INF2: variants seen among roughly 807,000 people sequenced by gnomAD.
INF2 encodes the protein inverted formin-2.
INF2 carries 43 observed loss-of-function variants against 123.5 expected under a neutral mutation model. The observed-to-expected ratio is 0.35, with a 90% CI of 0.27 to 0.45. The LOEUF (loss-of-function observed/expected upper bound fraction) is 0.45, where lower values mean the gene tolerates loss of function less well. Ranked by LOEUF, INF2 falls within the 20% of genes least tolerant of loss-of-function variation. The pLI is 1.00. For missense variants in INF2, 1,453 were observed against 1,682.7 expected, an observed-to-expected ratio of 0.86 and a Z score of 2.39; for synonymous variants, 851 against 745.0, an observed-to-expected ratio of 1.14 and a Z score of -2.32.
rs138919548 is a variant in INF2 at position 104,713,126 on chromosome 14, C to T, written c.2776-81C>T. 11 of 1,604,240 alleles carry T rather than the reference C, an allele frequency of 6.9e-6. No individual in the cohort carries two copies. In the African/African-American group the frequency reaches 1.2e-4, roughly 18 times the overall value. On this transcript the variant is annotated intron_variant, in intron 18 of 22. Coordinates refer to ENST00000392634, the MANE Select transcript of INF2 (RefSeq NM_022489.4). The stretch of plus-strand genomic sequence containing the variant: ...CCATGTGGGCCCTGCGCTGCTGCGG[C>T]TCAGGGAGGGGGACGCCCAGGCCCA...
Position 104,707,285 on chromosome 14 carries a change from C to A in INF2, c.1018C>A (p.Arg340=), listed in dbSNP as rs753651657. Residue 340 remains arginine (R), a synonymous_variant, in exon 8 of 23, where the codon CGG becomes AGG. Coordinates refer to ENST00000392634, the MANE Select transcript of INF2 (RefSeq NM_022489.4). Reference sequence around the variant, plus strand: ...ATGCACCCTGGAGGAAGTGGTTGAGCGGCTCCTGTCTGTCAAGGGGCGACC... The same window carrying A: ...ATGCACCCTGGAGGAAGTGGTTGAGAGGCTCCTGTCTGTCAAGGGGCGACC... ...QECTLEEVVE[R]LLSVKGRPRP... 11 of 1,608,904 alleles carry A rather than the reference C, an allele frequency of 6.8e-6. No homozygotes were observed. Among genetic ancestry groups the A allele is most frequent in the Middle Eastern group, 1.6e-4 (1 of 6,078 alleles).
intron 1 of INF2, among the ~76,000 whole-genome samples, chr14:104,693,941 G>A (rs570492131): frequency 6.6e-6 from 1 of 152,336 alleles, no homozygotes; most frequent in East Asian, 1.9e-4. Flanking sequence ...GTGGGGGTGA[G>A]GGAGTAGCCA....
chr14:104,705,479 G>A (rs1425060110), intron 5 of INF2, among the ~76,000 whole-genome samples: 1 of 152,074 alleles, frequency 6.6e-6, no homozygotes, highest in Admixed American at 6.5e-5. Context: ...TGCCCCACCA[G>A]TGTGGGCTGA....
intron 1 of INF2, among the ~76,000 whole-genome samples, chr14:104,681,843 G>A (rs1888530103): frequency 6.6e-6 from 1 of 152,232 alleles, no homozygotes; most frequent in Non-Finnish European, 1.5e-5. Flanking sequence ...GGCCACACCC[G>A]GCCTGGACGT....
intron 6 of INF2, 38 bp downstream of exon 6, chr14:104,706,214 G>T (rs1380581227): frequency 6.5e-7 from 1 of 1,532,022 alleles, no homozygotes; most frequent in African/African-American, 1.4e-5. Context: ...CAGCCCTCCA[G>T]GGCAGGCTGT....
rs200543313 is a variant in INF2, at chr14:104,715,263, G to A, written c.3695-21G>A. Reference sequence around the variant, plus strand: ...TTCTGTGTGATAAGCCGTTGAGTGCGTTTCTTTTATTTGGAAGCAGAGGTT... The same window carrying A: ...TTCTGTGTGATAAGCCGTTGAGTGCATTTCTTTTATTTGGAAGCAGAGGTT... On this transcript the variant is annotated intron_variant, in intron 21 of 22. Coordinates refer to ENST00000392634, the MANE Select transcript of INF2 (RefSeq NM_022489.4). The A allele has an allele frequency of 6.9e-5, 111 of 1,612,928 alleles. No homozygotes were observed. The African/African-American group carries it at 1.0e-3, about 15-fold the overall frequency.
chr14:104,687,656 C>A (rs1174033455), upstream of INF2, among the ~76,000 whole-genome samples: 1 of 152,202 alleles, frequency 6.6e-6, no homozygotes, highest in Non-Finnish European at 1.5e-5. The surrounding 1 kb of genome is among the most constrained non-coding windows in gnomAD (Gnocchi z 5.6). Flanking sequence ...AGCTCGGAAG[C>A]ACGACTGGGT....
Position 104,714,231 on chromosome 14 carries a change from C to T in INF2, c.3069C>T (p.Pro1023=), listed in dbSNP as rs75382114. 6.1e-3 allele frequency: 9,472 copies of T among 1,563,498 alleles called. 53 individuals are homozygous for T. The highest frequency in any genetic ancestry group is 0.011 in the Middle Eastern group (66 of 5,918). Residue 1023 remains proline (P), a synonymous_variant, in exon 21 of 23, where the codon CCC becomes CCT. Transcript: ENST00000392634. The part of the protein sequence containing the change: ...PVATSNPAGD[P]VGSTRCPASE... ...CCACCAGTAACCCTGCAGGAGATCC[C>T]GTGGGCAGCACGCGCTGTCCCGCCT...
chr14:104,707,125 G>T, intron 7 of INF2, 74 bp downstream of exon 7: 1 of 1,509,352 alleles, frequency 6.6e-7, no homozygotes, highest in South Asian at 1.2e-5. Flanking sequence ...GGGGGGGGGA[G>T]CCTGCCCTTG....
At chr14:104,705,955 C>T in intron 5 of INF2, 80 bp from the exon 6 acceptor site, 1 of 1,548,520 alleles carries the variant, frequency 6.5e-7, no homozygotes, top group Non-Finnish European at 8.8e-7. Context: ...GGCTGGTACA[C>T]TGGCGCTGAC....
At chr14:104,689,473 A>C (rs1226345864), upstream of INF2, 8 of 422,530 alleles carry the variant, frequency 1.9e-5, no homozygotes, top group Non-Finnish European at 2.5e-5. Context: ...GCCCTCAGGG[A>C]CCGGCCACAG....
chr14:104,695,644 AC>A (rs796416540), intron 1 of INF2, among the ~76,000 whole-genome samples: 111 of 118,284 alleles, frequency 9.4e-4, no homozygotes, highest in African/African-American at 3.6e-3. Context: ...GCATCCCCCT[AC>A]CCCCCCTACA....
chr14:104,683,546 C>A (rs1444943789), intron 1 of INF2, among the ~76,000 whole-genome samples: 2 of 151,986 alleles, frequency 1.3e-5, no homozygotes, highest in Non-Finnish European at 1.5e-5. Flanking sequence ...GGCAGACAGT[C>A]GCAGTGGTGT....
At chr14:104,690,449 T>C (rs1472603607) in intron 1 of INF2, 1 of 152,034 alleles carries the variant, frequency 6.6e-6, no homozygotes, top group Non-Finnish European at 1.5e-5. Flanking sequence ...GCGTGGGGGG[T>C]GGTCTGTCTG....
intron 1 of INF2, 114 bp downstream of exon 1, chr14:104,689,853 A>G: frequency 3.2e-6 from 2 of 619,464 alleles, no homozygotes; most frequent in Non-Finnish European, 4.0e-6. Context: ...GTGTGTGCCC[A>G]GGTGGCGGCG....
chr14:104,689,519 C>A (rs1166842088), upstream of INF2: 2 of 548,016 alleles, frequency 3.6e-6, no homozygotes, highest in Non-Finnish European at 4.6e-6. Context: ...ACCTCCCCCC[C>A]CAGGCCCCGC....
Position 104,710,941 on chromosome 14 carries a change from G to A in INF2, c.2244G>A (p.Leu748=). The A allele has an allele frequency of 6.2e-7, 1 of 1,612,258 alleles. No homozygotes were observed. The highest frequency in any genetic ancestry group is 1.1e-5 in the South Asian group (1 of 91,054). The part of the protein sequence containing the change: ...AQLVLAACES[L]LTSRQLPIFC... ...CAGCCCTGGCTGCCCCTGCAGGCCT[G>A]CTCACCAGCCGCCAGCTGCCCATCT... The change falls in exon 14 of 23, where the codon CTG becomes CTA. Residue 748 remains leucine, a synonymous_variant. Coordinates refer to ENST00000392634, the MANE Select transcript of INF2 (RefSeq NM_022489.4).
intron 1 of INF2, 39 bp from the exon 2 acceptor site, chr14:104,701,318 T>A: frequency 6.5e-7 from 1 of 1,539,196 alleles, no homozygotes; most frequent in Non-Finnish European, 8.8e-7. Context: ...ACAGCCCCCA[T>A]CCCCTCCCCG....
In INF2 at chr14:104,684,128, G is replaced by A. The variant is rs1052194893; in HGVS notation, c.-104+2546G>A. ...CCGACATAAGACAGTTCAAAGCTGA[G>A]CGGCTCTCCCCATCATGCAAGTAAC... is the stretch of plus-strand genomic sequence containing the variant. On this transcript the variant is annotated intron_variant, in intron 1 of 2. Transcript: ENST00000674723. This position sits in a 1 kb window ranked among gnomAD's most constrained non-coding sequence, Gnocchi z 5.0. 3 of 455,980 alleles carry A rather than the reference G, an allele frequency of 6.6e-6. No homozygotes were observed. The Admixed American group carries it at 7.0e-5, about 11-fold the overall frequency. 28.2% of individuals were successfully genotyped at this position (455,980 alleles called of 1,614,324 possible). A position where few individuals can be genotyped will look rare whatever the true frequency, so the allele number is the denominator to read the frequency against.
Sources: gnomAD v4.1 joint callset for allele counts (sites outside exome capture counted in the v4.1 genomes callset) on GRCh38, gnomAD v4.1.1 for gene constraint, Gnocchi (gnomAD v3.1) non-coding constraint, MANE v1.5 for transcripts, NCBI Gene and HGNC (gene_info 2026-07-23, HGNC 2026-07-21) for gene names.